POLK: variants seen among roughly 807,000 people sequenced by gnomAD.
The protein encoded by POLK is polymerase (DNA directed) kappa.
A neutral mutation model predicts 94.0 loss-of-function variants in POLK; 76 were observed. The ratio of observed to expected loss-of-function variants is 0.81; its 90% CI spans 0.67 to 0.98. The LOEUF (loss-of-function observed/expected upper bound fraction) is 0.98. POLK is among the 50% of genes least tolerant of loss of function. The probability of loss-of-function intolerance (pLI) is 0.00; values close to 1 mark genes in which losing one functional copy is unlikely to be tolerated. For missense variants in POLK, 954 were observed against 1,010.1 expected, an observed-to-expected ratio of 0.94 and a Z score of 0.75; for synonymous variants, 349 against 325.4, an observed-to-expected ratio of 1.07 and a Z score of -0.78.
chr5:75,531,817 G>A lies in POLK; in HGVS notation c.-13-15193G>A, dbSNP rs79378147. On this transcript the variant is annotated intron_variant, in intron 1 of 14. Coordinates refer to ENST00000241436, the Ensembl canonical transcript of POLK. ...AAAAAAAAAAATAAGAAAGTAAGCT[G>A]TAAACTTATCTCATACTTTCTGAGG... 3.2e-3 allele frequency among the ~76,000 whole-genome samples: 484 copies of A among 152,102 alleles called. 19 individuals carry two copies. In the East Asian group the frequency reaches 0.081, roughly 25 times the overall value.
chr5:75,552,937 G>T (rs1285962616), intron 3 of POLK, among the ~76,000 whole-genome samples: 1 of 152,050 alleles, frequency 6.6e-6, no homozygotes, highest in Non-Finnish European at 1.5e-5. Context: ...GCTAGAAAAG[G>T]CCACGGGATA....
intron 10 of POLK, among the ~76,000 whole-genome samples, chr5:75,589,378 TATACACACATACACACAC>T (rs1223787841): frequency 4.9e-5 from 5 of 102,956 alleles, no homozygotes; most frequent in African/African-American, 1.2e-4. Flanking sequence ...ATTTTATATA[TATACACACATACACACAC>T]ACACACACAC....
At chr5:75,583,510 G>A in intron 8 of POLK, 93 bp downstream of exon 8, 6 of 700,418 alleles carry the variant, frequency 8.6e-6, no homozygotes, top group Non-Finnish European at 1.3e-5. Flanking sequence ...TTGCTTAAAA[G>A]TTTTAAAATA....
chr5:75,534,083 T>A (rs1769320900), intron 1 of POLK, among the ~76,000 whole-genome samples: 1 of 152,068 alleles, frequency 6.6e-6, no homozygotes, highest in South Asian at 2.1e-4. Context: ...CTTGCCAACA[T>A]GATGAAACCC....
intron 5 of POLK, among the ~76,000 whole-genome samples, chr5:75,574,948 G>A (rs1210825967): frequency 1.3e-5 from 2 of 152,170 alleles, no homozygotes; most frequent in Admixed American, 6.5e-5. Context: ...TTTTAAAGTC[G>A]TACTTTAACT....
chr5:75,603,546 C>T, downstream of POLK, among the ~76,000 whole-genome samples: 1 of 151,982 alleles, frequency 6.6e-6, no homozygotes, highest in East Asian at 1.9e-4. Flanking sequence ...GTAAATGCTC[C>T]CACCATGACA....
At chr5:75,558,118 T>G (rs1770734974) in intron 3 of POLK, among the ~76,000 whole-genome samples, 1 of 152,164 alleles carries the variant, frequency 6.6e-6, no homozygotes, top group African/African-American at 2.4e-5. Context: ...TAAATTTTAC[T>G]TGTTCATTGA....
intron 7 of POLK, chr5:75,581,678 CTTTT>C (rs1158442197): frequency 2.9e-4 from 88 of 306,598 alleles, no homozygotes; most frequent in Middle Eastern, 1.0e-3. Flanking sequence ...ACGTTTCTTT[CTTTT>C]TTTTTTTTTT....
At chr5:75,524,941 T>C (rs1293659634) in intron 1 of POLK, among the ~76,000 whole-genome samples, 1 of 152,234 alleles carries the variant, frequency 6.6e-6, no homozygotes, top group Admixed American at 6.5e-5. Flanking sequence ...TCTACATGCA[T>C]GCCCACGGCA....
chr5:75,524,144 C>CA (rs1174672305), intron 1 of POLK, among the ~76,000 whole-genome samples: 11 of 149,344 alleles, frequency 7.4e-5, no homozygotes, highest in African/African-American at 1.2e-4. Flanking sequence ...AAAAAAACAA[C>CA]AAAAAAAAAC....
chr5:75,583,209 AC>A, intron 7 of POLK, 83 bp from the exon 8 acceptor site: 2 of 990,742 alleles, frequency 2.0e-6, no homozygotes, highest in East Asian at 2.6e-5. Flanking sequence ...TTTGCAATTA[AC>A]TTTTTTTTTC....
intron 1 of POLK, among the ~76,000 whole-genome samples, chr5:75,520,977 T>C (rs2112535507): frequency 6.6e-6 from 1 of 152,226 alleles, no homozygotes; most frequent in Middle Eastern, 3.4e-3. Flanking sequence ...TTGTGGAGTC[T>C]GTTGCCAAAC....
At chr5:75,584,773 G>T in exon 9 of POLK, 1 of 1,538,472 alleles carries the variant, frequency 6.5e-7, no homozygotes, top group African/African-American at 1.4e-5. Context: ...TCTGGAATAG[G>T]AAAAGTTACA....
chr5:75,514,666 C>T (rs780621554), intron 1 of POLK, among the ~76,000 whole-genome samples: 1 of 152,152 alleles, frequency 6.6e-6, no homozygotes, highest in Non-Finnish European at 1.5e-5. Flanking sequence ...TAGGCGCTTG[C>T]AATACATAAC....
rs1772714583 is a variant in POLK, at chr5:75,590,341, T to C, written c.1260-3T>C. On this transcript the variant is annotated splice_region_variant and splice_polypyrimidine_tract_variant and intron_variant, in intron 10 of 14. Transcript: ENST00000241436. ...TGCGCCAAAATTATTCTTGTCTTTC[T>C]AGGACATTCAGTGAGATAAATAAAG... 1 of 1,549,690 alleles carries C rather than the reference T, an allele frequency of 6.5e-7. No individual in the cohort carries two copies. The highest frequency in any genetic ancestry group is 8.8e-7 in the Non-Finnish European group (1 of 1,135,662).
intron 1 of POLK, among the ~76,000 whole-genome samples, chr5:75,524,960 G>A (rs1398586963): frequency 6.6e-6 from 1 of 152,212 alleles, no homozygotes; most frequent in Admixed American, 6.5e-5. Context: ...CAAATTGAGA[G>A]CAATCTGAAC....
At chr5:75,569,222 T>A in intron 3 of POLK, 118 bp from the exon 4 acceptor site, 1 of 644,612 alleles carries the variant, frequency 1.6e-6, no homozygotes, top group South Asian at 2.2e-5. Context: ...GATGGATGGA[T>A]GAATGGGTGT....
chr5:75,563,196 A>G (rs934867831), intron 3 of POLK, among the ~76,000 whole-genome samples: 5 of 152,144 alleles, frequency 3.3e-5, no homozygotes, highest in African/African-American at 1.2e-4. Flanking sequence ...TCCCAACCGC[A>G]GGTGATCTGC....
At chr5:75,542,152 G>A (rs908755751) in intron 1 of POLK, among the ~76,000 whole-genome samples, 5 of 152,058 alleles carry the variant, frequency 3.3e-5, no homozygotes, top group Non-Finnish European at 1.5e-5. Context: ...TGAATATTTG[G>A]GAGATTCAAA....
Sources: allele counts gnomAD v4.1 joint callset (sites outside exome capture counted in the v4.1 genomes callset), GRCh38; gene constraint gnomAD v4.1.1; transcripts MANE v1.5; gene names NCBI Gene and HGNC (gene_info 2026-07-23, HGNC 2026-07-21).